The following KDM6A variants were observed in gnomAD, a reference collection of about 807,000 sequenced individuals.
KDM6A encodes the protein lysine demethylase 6A.
In KDM6A, 11 loss-of-function variants were observed where a neutral mutation model predicts 117.6. That is an observed-to-expected ratio of 0.09 (90% CI 0.06 to 0.15). The LOEUF (loss-of-function observed/expected upper bound fraction) is 0.15, where lower values mean the gene tolerates loss of function less well. Ranked by LOEUF, KDM6A falls within the 10% of genes least tolerant of loss-of-function variation. The probability of loss-of-function intolerance (pLI) is 1.00; values close to 1 mark genes in which losing one functional copy is unlikely to be tolerated. For missense variants in KDM6A, 799 were observed against 1,077.3 expected (o/e 0.74, Z 3.62); for synonymous variants, 384 against 396.1 (o/e 0.97, Z 0.36).
intron 28 of KDM6A, among the ~76,000 whole-genome samples, chrX:45,108,683 A>G (rs754064712): frequency 4.1e-4 from 41 of 101,186 alleles, no homozygotes; most frequent in East Asian, 2.5e-3. Context: ...TGTTTATTGC[A>G]GCATTATTCA....
At chrX:44,902,992 A>G (rs1440360098) in intron 2 of KDM6A, among the ~76,000 whole-genome samples, 1 of 111,763 alleles carries the variant, frequency 8.9e-6, no homozygotes, top group Non-Finnish European at 1.9e-5. Flanking sequence ...TCACCTCATA[A>G]AGGCCTTACC....
Position 44,873,501 on chromosome X carries a change from C to T in KDM6A, c.-51C>T, listed in dbSNP as rs967925243. The stretch of plus-strand genomic sequence containing the variant: ...CAGATTGGGGGCGTCACTGCGGGCC[C>T]CGGTCCGAGGGGGGGTGTCGGCGTT... On this transcript the variant is annotated 5_prime_UTR_variant, in exon 1 of 30. Transcript: ENST00000611820. The T allele has an allele frequency of 8.3e-7, 1 of 1,204,687 alleles. No individual in the cohort carries two copies. Among genetic ancestry groups the T allele is most frequent in the African/African-American group, 1.8e-5 (1 of 56,697 alleles).
intron 2 of KDM6A, among the ~76,000 whole-genome samples, chrX:44,918,974 A>G (rs1176458330): frequency 6.3e-5 from 7 of 111,924 alleles, no homozygotes. Context: ...TACGTCATAA[A>G]CAGTAGAAAT....
At chrX:44,915,927 GA>G (rs1352144778) in intron 2 of KDM6A, among the ~76,000 whole-genome samples, 2 of 111,283 alleles carry the variant, frequency 1.8e-5, no homozygotes, top group African/African-American at 6.5e-5. Context: ...AATAAGGAAA[GA>G]AAAAAATCAT....
At chrX:44,967,990 GCAGT>G (rs2039120162) in intron 3 of KDM6A, among the ~76,000 whole-genome samples, 1 of 112,333 alleles carries the variant, frequency 8.9e-6, no homozygotes, top group Non-Finnish European at 1.9e-5. Flanking sequence ...GAGGCTCACT[GCAGT>G]CAGTCTATTG....
rs2147974841 is a variant in KDM6A at position 45,061,331 on chromosome X, C to G, written c.1493C>G (p.Ser498Cys). The change falls in exon 15 of 30, where the codon TCT becomes TGT. Residue 498 changes from serine (S) to cysteine (C), a missense_variant. Ser to Cys is a moderately radical substitution (Grantham distance 112, BLOSUM62 -1). Coordinates refer to ENST00000611820, the MANE Select transcript of KDM6A (RefSeq NM_001291415.2). ...KRTSSPTKNT[S>C]DNWSGGHAVS... ...TAAATCGATTTTCCTCAGAATACTTCTGACAATTGGAGTGGTGGACATGCT... is the reference window on the plus strand; with the variant it reads ...TAAATCGATTTTCCTCAGAATACTTGTGACAATTGGAGTGGTGGACATGCT... 3 of 1,159,760 alleles carry G rather than the reference C, an allele frequency of 2.6e-6. No homozygotes were observed. The highest frequency in any genetic ancestry group is 3.5e-6 in the Non-Finnish European group (3 of 851,282).
At chrX:45,079,070 T>TA in intron 20 of KDM6A, 76 bp from the exon 21 acceptor site, 7 of 891,501 alleles carry the variant, frequency 7.9e-6, no homozygotes, top group South Asian at 2.3e-5. Flanking sequence ...CCTTCTTCCT[T>TA]TAAAAAAAAA....
chrX:44,904,605 G>T (rs2034537301), intron 2 of KDM6A, among the ~76,000 whole-genome samples: 2 of 111,766 alleles, frequency 1.8e-5, no homozygotes, highest in Middle Eastern at 4.6e-3. Flanking sequence ...TTTCACACTG[G>T]TGAACTCTAT....
rs1212594883 is a variant in KDM6A, at chrX:44,965,819, C to A, written c.334+4427C>A. On this transcript the variant is annotated intron_variant, in intron 3 of 29. Transcript: ENST00000611820. ...TGGAAAAATGACACCGATAGACTTG[C>A]TCTACACAGGGTTGCTGTGAGCCTT... is the stretch of plus-strand genomic sequence containing the variant. 4.5e-5 allele frequency among the ~76,000 whole-genome samples: 5 copies of A among 111,407 alleles called. No homozygotes were observed. The Admixed American group carries it at 4.8e-4, about 11-fold the overall frequency.
intron 27 of KDM6A, among the ~76,000 whole-genome samples, chrX:45,091,469 A>T (rs948509120): frequency 9.0e-6 from 1 of 111,720 alleles, no homozygotes; most frequent in African/African-American, 3.2e-5. Context: ...GCTATATAGC[A>T]GTGTTTCCCT....
intron 3 of KDM6A, among the ~76,000 whole-genome samples, chrX:44,967,881 G>A (rs1313106648): frequency 8.9e-6 from 1 of 112,296 alleles, no homozygotes; most frequent in Non-Finnish European, 1.9e-5. Context: ...TGAATGAAGA[G>A]TTTAAAAAAA....
intron 2 of KDM6A, among the ~76,000 whole-genome samples, chrX:44,923,025 C>G (rs1394833742): frequency 1.8e-5 from 2 of 111,272 alleles, no homozygotes; most frequent in Admixed American, 9.5e-5. Context: ...TCTAGACTGA[C>G]TTTTTTCTCT....
intron 6 of KDM6A, among the ~76,000 whole-genome samples, chrX:45,022,614 G>A (rs1226359984): frequency 8.9e-6 from 1 of 111,864 alleles, no homozygotes; most frequent in Non-Finnish European, 1.9e-5. Context: ...CATTCAGAAT[G>A]AGTGAAGGTA....
At chrX:44,874,122 C>G (rs930380229) in intron 2 of KDM6A, 135 bp downstream of exon 2, 1 of 559,397 alleles carries the variant, frequency 1.8e-6, no homozygotes, top group Non-Finnish European at 3.0e-6. Flanking sequence ...CTATTTCCTG[C>G]CTCTGCTCTC....
chrX:45,089,696 CT>C (rs777677720), intron 25 of KDM6A, 46 bp from the exon 26 acceptor site: 2 of 933,187 alleles, frequency 2.1e-6, no homozygotes, highest in East Asian at 6.3e-5. Flanking sequence ...TTACTAGGAG[CT>C]TCTTAATGTA....
At position 45,069,591 on chromosome X, in the gene KDM6A, G is replaced by T. The variant is rs763741893; in HGVS notation, c.2092G>T (p.Gly698Cys). Reference sequence around the variant, plus strand: ...TCTTTCTTTTTAGGGGCTTCACAAAGGTCAGAGTTCACATTCGGCAGGTCC... The same window carrying T: ...TCTTTCTTTTTAGGGGCTTCACAAATGTCAGAGTTCACATTCGGCAGGTCC... ...LSNSTQGLHK[G>C]QSSHSAGPNG... is the part of the protein sequence containing the mutation. Residue 698 changes from glycine to cysteine, a missense_variant, in exon 18 of 30, where the codon GGT (glycine) becomes TGT (cysteine). By Grantham distance (159) the Gly-to-Cys change is radical. Transcript: ENST00000611820. The T allele has an allele frequency of 8.3e-7, 1 of 1,210,342 alleles. No homozygotes were observed. Among genetic ancestry groups the T allele is most frequent in the Non-Finnish European group, 1.1e-6 (1 of 894,642 alleles).
At chrX:44,942,045 T>G (rs906276050) in intron 2 of KDM6A, among the ~76,000 whole-genome samples, 1 of 109,183 alleles carries the variant, frequency 9.2e-6, no homozygotes, top group Non-Finnish European at 1.9e-5. Context: ...AGACTTTTTT[T>G]TTTTTTGAGA....
chrX:44,896,867 A>G (rs1409950756), intron 2 of KDM6A, among the ~76,000 whole-genome samples: 5 of 109,846 alleles, frequency 4.6e-5, no homozygotes, highest in African/African-American at 1.3e-4. Flanking sequence ...GTGTTCCCCT[A>G]TAAAGTAATG....
chrX:45,031,860 T>C (rs916530028), intron 6 of KDM6A, among the ~76,000 whole-genome samples: 1 of 111,479 alleles, frequency 9.0e-6, no homozygotes, highest in Non-Finnish European at 1.9e-5. Flanking sequence ...TCAAGTTCCA[T>C]TGGCTGTATT....
Sources: allele counts gnomAD v4.1 joint callset (sites outside exome capture counted in the v4.1 genomes callset), GRCh38; gene constraint gnomAD v4.1.1; transcripts MANE v1.5; gene names NCBI Gene and HGNC (gene_info 2026-07-23, HGNC 2026-07-21).